The following RCAN2 variants were observed in gnomAD, a reference collection of about 807,000 sequenced individuals.
RCAN2 encodes regulator of calcineurin 2, also known as calcipressin-2.
RCAN2 carries 9 observed loss-of-function variants against 23.6 expected under a neutral mutation model. The ratio of observed to expected loss-of-function variants is 0.38; its 90% CI spans 0.23 to 0.67. The LOEUF is 0.67. RCAN2 is among the 30% of genes least tolerant of loss of function. The pLI is 0.51. For synonymous variants in RCAN2, 109 were observed against 115.7 expected (o/e 0.94, Z 0.37); for missense variants, 273 against 302.3 (o/e 0.90, Z 0.72).
At chr6:46,392,278 G>T (rs1765960361) in intron 2 of RCAN2, among the ~76,000 whole-genome samples, 1 of 152,118 alleles carries the variant, frequency 6.6e-6, no homozygotes, top group South Asian at 2.1e-4. Flanking sequence ...CAAGTCAAGG[G>T]ATTTATAAGT....
At chr6:46,303,373 G>A (rs773020505) in intron 2 of RCAN2, among the ~76,000 whole-genome samples, 5 of 152,164 alleles carry the variant, frequency 3.3e-5, no homozygotes, top group South Asian at 4.1e-4. Context: ...CCAGGATTAC[G>A]TGGCTAATTA....
At chr6:46,435,281 A>T (rs1242745824) in intron 2 of RCAN2, among the ~76,000 whole-genome samples, 1 of 152,256 alleles carries the variant, frequency 6.6e-6, no homozygotes, top group Non-Finnish European at 1.5e-5. Context: ...AGTCATTCAT[A>T]TGAATTCAAA....
chr6:46,375,134 G>A (rs533486601), intron 2 of RCAN2, among the ~76,000 whole-genome samples: 12 of 152,084 alleles, frequency 7.9e-5, no homozygotes, highest in Non-Finnish European at 1.3e-4. Context: ...TAGTAGAGAC[G>A]GGGTTTCACC....
intron 2 of RCAN2, among the ~76,000 whole-genome samples, chr6:46,315,568 G>A (rs968470925): frequency 6.6e-6 from 1 of 152,134 alleles, no homozygotes; most frequent in Non-Finnish European, 1.5e-5. Flanking sequence ...AGTGAAAGGG[G>A]GAGAGGTGCA....
chr6:46,458,035 T>A (rs1365287351), intron 1 of RCAN2, among the ~76,000 whole-genome samples: 3 of 152,208 alleles, frequency 2.0e-5, no homozygotes, highest in Non-Finnish European at 4.4e-5. Flanking sequence ...GCTCAATAGT[T>A]AAGAGGCTCG....
chr6:46,284,368 G>A lies in RCAN2; in HGVS notation c.226-35472C>T, dbSNP rs141093963. 2.6e-5 allele frequency among the ~76,000 whole-genome samples: 4 copies of A among 152,276 alleles called. No homozygotes were observed. In the East Asian group the frequency reaches 7.7e-4, roughly 29 times the overall value. On this transcript the variant is annotated intron_variant, in intron 2 of 4. Transcript: ENST00000371374. ...AAGCTGGTGAATGATCCAGCCCAGT[G>A]AGGCCACTCCAATGTTTCTGCTGTC... is the stretch of plus-strand genomic sequence containing the variant.
rs192779973 is a variant in RCAN2 at position 46,275,768 on chromosome 6, A to G, written c.226-26872T>C. ...GAGCTTGGTTAATTTCTCATGCTCTATCAGTGCAAATGCCACATAAAAATT... is the reference window on the plus strand; with the variant it reads ...GAGCTTGGTTAATTTCTCATGCTCTGTCAGTGCAAATGCCACATAAAAATT... On this transcript the variant is annotated intron_variant, in intron 2 of 4. Coordinates refer to ENST00000371374, the MANE Select transcript of RCAN2 (RefSeq NM_001251974.2). Among the ~76,000 whole-genome samples the G allele has an allele frequency of 2.0e-3, 309 of 152,318 alleles. 3 individuals are homozygous for G. Among genetic ancestry groups the G allele is most frequent in the African/African-American group, 7.3e-3 (303 of 41,576 alleles).
intron 2 of RCAN2, among the ~76,000 whole-genome samples, chr6:46,404,032 G>A (rs1160081761): frequency 6.6e-6 from 1 of 152,140 alleles, no homozygotes; most frequent in Non-Finnish European, 1.5e-5. Flanking sequence ...GACCAGCCTG[G>A]CCAACATGGT....
intron 2 of RCAN2, among the ~76,000 whole-genome samples, chr6:46,269,397 G>A (rs1294842236): frequency 6.6e-6 from 1 of 152,180 alleles, no homozygotes; most frequent in African/African-American, 2.4e-5. Flanking sequence ...CAGCAGCTGT[G>A]TTCTTGTGTT....
At chr6:46,259,788 C>T (rs1446744375) in intron 2 of RCAN2, among the ~76,000 whole-genome samples, 1 of 152,188 alleles carries the variant, frequency 6.6e-6, no homozygotes, top group Non-Finnish European at 1.5e-5. Context: ...CCCACAACCT[C>T]CTCCTCAGGT....
At chr6:46,481,249 C>A (rs1012677281) in intron 1 of RCAN2, among the ~76,000 whole-genome samples, 12 of 152,084 alleles carry the variant, frequency 7.9e-5, no homozygotes, top group African/African-American at 1.7e-4. Flanking sequence ...GGTTTTTATA[C>A]CCTAGTGGTC....
chr6:46,491,736 G>C (rs1769161813), upstream of RCAN2: 1 of 152,342 alleles, frequency 6.6e-6, no homozygotes, highest in Admixed American at 6.5e-5. Flanking sequence ...GGCTGCAGGA[G>C]TCCCGGCCTC....
intron 2 of RCAN2, among the ~76,000 whole-genome samples, chr6:46,320,617 C>T (rs1488680361): frequency 6.6e-6 from 1 of 152,150 alleles, no homozygotes; most frequent in African/African-American, 2.4e-5. Context: ...TCCAGAAAGG[C>T]TAAGAGATTG....
At chr6:46,251,389 T>G (rs2150319930) in intron 2 of RCAN2, among the ~76,000 whole-genome samples, 1 of 152,322 alleles carries the variant, frequency 6.6e-6, no homozygotes, top group East Asian at 1.9e-4. Context: ...GTTTGGGAAG[T>G]TTTCAGGAAT....
intron 2 of RCAN2, among the ~76,000 whole-genome samples, chr6:46,286,771 G>A (rs1336867472): frequency 3.3e-5 from 5 of 152,146 alleles, no homozygotes; most frequent in African/African-American, 4.8e-5. Context: ...GGGAGGCCGA[G>A]GCAGGTGGAT....
At chr6:46,375,704 G>A (rs1362083917) in intron 2 of RCAN2, among the ~76,000 whole-genome samples, 2 of 152,148 alleles carry the variant, frequency 1.3e-5, no homozygotes, top group African/African-American at 2.4e-5. Flanking sequence ...AGGCCATACC[G>A]TCTCTGTCGA....
In RCAN2 at chr6:46,221,694, C is replaced by A. The variant is rs1245842212; in HGVS notation, c.*1447G>T. 2.6e-6 allele frequency: 1 copy of A among 377,400 alleles called. No individual in the cohort carries two copies. Among genetic ancestry groups the A allele is most frequent in the Non-Finnish European group, 4.7e-6 (1 of 212,814 alleles). The allele number at this position is 377,400 out of a possible 1,614,324, so 23.4% of individuals were successfully genotyped here. A position where few individuals can be genotyped will look rare whatever the true frequency, so the allele number is the denominator to read the frequency against. ...TCAAAAACCACAACAATCCCTCAAT[C>A]TGTTTGCTGTGTTATTGTTCTTGTG... is the stretch of plus-strand genomic sequence containing the variant. On this transcript the variant is annotated 3_prime_UTR_variant, in exon 5 of 5. Transcript: ENST00000371374.
chr6:46,464,863 A>G lies in RCAN2; in HGVS notation c.-2-7885T>C, dbSNP rs550019639. ...TAAGCTCCCAATGGGCAATAATTCA[A>G]TTAATTCAATTCCCTGTGGAAGCAG... On this transcript the variant is annotated intron_variant, in intron 1 of 4. Transcript: ENST00000371374. 2.8e-4 allele frequency among the ~76,000 whole-genome samples: 42 copies of G among 152,060 alleles called. No homozygotes were observed. In the South Asian group the frequency reaches 2.9e-3, roughly 11 times the overall value.
chr6:46,365,217 T>C (rs1765133452), intron 2 of RCAN2, among the ~76,000 whole-genome samples: 1 of 152,100 alleles, frequency 6.6e-6, no homozygotes, highest in Non-Finnish European at 1.5e-5. Context: ...GGCTCACACC[T>C]ATAATCCCAG....
Sources: gnomAD v4.1 joint callset for allele counts (sites outside exome capture counted in the v4.1 genomes callset) on GRCh38, gnomAD v4.1.1 for gene constraint, MANE v1.5 for transcripts, NCBI Gene and HGNC (gene_info 2026-07-23, HGNC 2026-07-21) for gene names.